The following OGG1 variants were observed in gnomAD, a reference collection of about 807,000 sequenced individuals.
OGG1 encodes the protein 8-oxoguanine DNA glycosylase.
In OGG1, 35 loss-of-function variants were observed where a neutral mutation model predicts 42.3. The ratio of observed to expected loss-of-function variants is 0.83; its 90% CI spans 0.63 to 1.10. The LOEUF (loss-of-function observed/expected upper bound fraction) is 1.10. OGG1 is among the 50% of genes least tolerant of loss of function. The pLI is 0.00. For missense variants in OGG1, 484 were observed against 446.7 expected (o/e 1.08, Z -0.75); for synonymous variants, 189 against 179.0 (o/e 1.06, Z -0.44).
chr3:9,782,904 C>T (rs2125618088), intron 3 of OGG1, among the ~76,000 whole-genome samples: 1 of 152,202 alleles, frequency 6.6e-6, no homozygotes, highest in East Asian at 1.9e-4. Flanking sequence ...CGGGTTGCTT[C>T]CCTATCTCTT....
At chr3:9,758,065 A>T (rs3219016), downstream of OGG1, 43 of 591,600 alleles carry the variant, frequency 7.3e-5, no homozygotes, top group Admixed American at 1.3e-3. Flanking sequence ...ATCTATATAT[A>T]TAAATAGAAA....
At chr3:9,770,988 T>G (rs2078288325), downstream of OGG1, among the ~76,000 whole-genome samples, 1 of 151,996 alleles carries the variant, frequency 6.6e-6, no homozygotes, top group Non-Finnish European at 1.5e-5. Context: ...CTTTTTCTCT[T>G]TCTTTCTTTC....
At chr3:9,766,366 T>C (rs1056507900) in exon 8 of OGG1, 1 of 638,902 alleles carries the variant, frequency 1.6e-6, no homozygotes, top group South Asian at 1.6e-5. Context: ...CATCCCTTTT[T>C]CTGCTAATTC....
chr3:9,754,049 G>A (rs2077428061), intron 3 of OGG1, among the ~76,000 whole-genome samples: 1 of 152,144 alleles, frequency 6.6e-6, no homozygotes, highest in Non-Finnish European at 1.5e-5. Flanking sequence ...TGAGGTGGGA[G>A]GATCGCTTGA....
chr3:9,784,626 A>G (rs1381251456), intron 3 of OGG1, among the ~76,000 whole-genome samples: 4 of 152,066 alleles, frequency 2.6e-5, no homozygotes, highest in African/African-American at 9.7e-5. Flanking sequence ...GCACTTTGGA[A>G]GGCCGAGGTG....
chr3:9,783,860 T>C, intron 3 of OGG1: 1 of 1,219,354 alleles, frequency 8.2e-7, no homozygotes, highest in Non-Finnish European at 1.1e-6. Context: ...CAGAATTTGT[T>C]TGGGACATAC....
chr3:9,787,502 A>G, intron 3 of OGG1: 3 of 1,095,328 alleles, frequency 2.7e-6, no homozygotes, highest in Non-Finnish European at 3.8e-6. Context: ...TAAAACCTGT[A>G]CTTCACACTC....
chr3:9,787,094 A>G, intron 3 of OGG1: 1 of 1,614,192 alleles, frequency 6.2e-7, no homozygotes, highest in Non-Finnish European at 8.5e-7. Context: ...AGACTTCTTC[A>G]GCAGGGCATC....
At chr3:9,756,903 A>G (rs2077595092) in intron 6 of OGG1, 87 bp downstream of exon 6, 1 of 1,611,880 alleles carries the variant, frequency 6.2e-7, no homozygotes, top group Admixed American at 1.7e-5. Context: ...AGGTGGCCCT[A>G]AAGGACTCTC....
At chr3:9,770,433 T>C (rs779338197), downstream of OGG1, among the ~76,000 whole-genome samples, 37 of 151,550 alleles carry the variant, frequency 2.4e-4, no homozygotes, top group Non-Finnish European at 3.8e-4. Context: ...GACTAGGCAA[T>C]GAAGAGAGTG....
At chr3:9,767,082 T>G (rs1252197828), downstream of OGG1, among the ~76,000 whole-genome samples, 1 of 152,174 alleles carries the variant, frequency 6.6e-6, no homozygotes, top group African/African-American at 2.4e-5. Flanking sequence ...TGCTATTCCT[T>G]CTGCCTGGAA....
chr3:9,780,188 G>T, intron 2 of OGG1: 1 of 632,482 alleles, frequency 1.6e-6, no homozygotes, highest in Non-Finnish European at 2.6e-6. Context: ...CCTGTGTCCT[G>T]GTTGTACAGA....
At chr3:9,772,979 C>T (rs1236628612) in intron 2 of OGG1, among the ~76,000 whole-genome samples, 2 of 152,068 alleles carry the variant, frequency 1.3e-5, no homozygotes, top group Non-Finnish European at 2.9e-5. Context: ...AGTGAAGGGC[C>T]AGGCGTGGGG....
chr3:9,782,571 A>C (rs1364417001), intron 3 of OGG1, among the ~76,000 whole-genome samples: 1 of 152,224 alleles, frequency 6.6e-6, no homozygotes. Flanking sequence ...AGTAATCTGC[A>C]AGTCCCTTGC....
downstream of OGG1, among the ~76,000 whole-genome samples, chr3:9,771,488 A>G (rs1481419089): frequency 1.3e-5 from 2 of 152,220 alleles, no homozygotes; most frequent in Non-Finnish European, 2.9e-5. Context: ...TGAGAATTCT[A>G]TGATATAATG....
chr3:9,759,106 G>A, downstream of OGG1: 1 of 1,172,956 alleles, frequency 8.5e-7, no homozygotes, highest in Non-Finnish European at 1.3e-6. Context: ...CTCCAGTCTG[G>A]CCAGGCTTAG....
chr3:9,758,045 A>G (rs2077669360), downstream of OGG1: 1 of 701,616 alleles, frequency 1.4e-6, no homozygotes, highest in African/African-American at 1.8e-5. Context: ...CATATGTTAG[A>G]TGTATGTGTA....
At chr3:9,769,443 C>G (rs1412062920), downstream of OGG1, among the ~76,000 whole-genome samples, 1 of 152,164 alleles carries the variant, frequency 6.6e-6, no homozygotes, top group Non-Finnish European at 1.5e-5. Flanking sequence ...GCACACAAAA[C>G]ACGTGGACAC....
Position 9,750,297 on chromosome 3 carries a change from G to T in OGG1, c.11G>T (p.Arg4Leu), listed in dbSNP as rs749919773. 1 of 1,610,470 alleles carries T rather than the reference G, an allele frequency of 6.2e-7. No individual in the cohort carries two copies. MPA[R>L]ALLPRRMGHR... is the part of the protein sequence containing the mutation. ...GTGCCTGCTGTGGAAATGCCTGCCC[G>T]CGCGCTTCTGCCCAGGCGCATGGGG... The change falls in exon 1 of 7, where the codon CGC becomes CTC. Residue 4 changes from arginine (R) to leucine (L), a missense_variant. Transcript: ENST00000344629.
Sources: allele counts gnomAD v4.1 joint callset (sites outside exome capture counted in the v4.1 genomes callset), GRCh38; gene constraint gnomAD v4.1.1; transcripts MANE v1.5; gene names NCBI Gene and HGNC (gene_info 2026-07-23, HGNC 2026-07-21).